Variants in TRPM7 observed in about 807,000 individuals in gnomAD.
The protein encoded by TRPM7 is transient receptor potential cation channel subfamily M member 7.
In TRPM7, 134 loss-of-function variants were observed where a neutral mutation model predicts 229.7. The observed-to-expected ratio is 0.58, with a 90% CI of 0.51 to 0.67. The LOEUF (loss-of-function observed/expected upper bound fraction) is 0.67. Among genes scored for constraint, TRPM7 ranks in the 30% least tolerant of loss-of-function variants. The probability of loss-of-function intolerance (pLI) is 0.00; values close to 1 mark genes in which losing one functional copy is unlikely to be tolerated. For synonymous variants in TRPM7, 699 were observed against 715.2 expected, an observed-to-expected ratio of 0.98 and a Z score of 0.36; for missense variants, 1,901 against 2,210.0, an observed-to-expected ratio of 0.86 and a Z score of 2.80.
intron 38 of TRPM7, among the ~76,000 whole-genome samples, chr15:50,565,544 A>T (rs1265897937): frequency 6.6e-6 from 1 of 152,212 alleles, no homozygotes; most frequent in African/African-American, 2.4e-5. Flanking sequence ...CCAAGAAGAC[A>T]TTAACAATAG....
intron 1 of TRPM7, among the ~76,000 whole-genome samples, chr15:50,685,157 T>C (rs1427429492): frequency 1.3e-5 from 2 of 152,240 alleles, no homozygotes; most frequent in African/African-American, 4.8e-5. Context: ...AATGTATCTT[T>C]GCAAGTTTGA....
At chr15:50,616,965 T>C (rs914233773) in intron 13 of TRPM7, among the ~76,000 whole-genome samples, 3 of 151,884 alleles carry the variant, frequency 2.0e-5, no homozygotes, top group African/African-American at 4.8e-5. Flanking sequence ...ATTTTGTAAT[T>C]TGTGAAATGT....
rs79028669 is a variant in TRPM7, at chr15:50,639,444, T to G, written c.640A>C (p.Asn214His). The G allele has an allele frequency of 3.2e-4, 517 of 1,602,156 alleles. 3 individuals are homozygous for G. The African/African-American group carries it at 5.8e-3, about 18-fold the overall frequency. Residue 214 changes from asparagine to histidine, a missense_variant, in exon 6 of 39, where the codon AAT becomes CAT. Physicochemically the swap from Asn to His is moderately conservative, Grantham distance 68. Transcript: ENST00000646667. ...CTTACATCTCTCCCAACAAGATCAT[T>G]TCTGTTTTCAATCACTCCCCATGGA... ...IAPWGVIENRNDLVGRDVVAP... is the reference protein window; with the variant it reads ...IAPWGVIENRHDLVGRDVVAP...
rs368592916 is a variant in TRPM7 at position 50,593,794 on chromosome 15, G to A, written c.3476-45C>T. 3.8e-6 allele frequency: 6 copies of A among 1,561,792 alleles called. No homozygotes were observed. In the African/African-American group the frequency reaches 8.3e-5, roughly 22 times the overall value. On this transcript the variant is annotated intron_variant, in intron 24 of 38. Transcript: ENST00000646667. ...AGAAAATCAAGGAAGAGCTATCAAGGTTTCAACTTTAGCTCATAATTCTTA... is the reference window on the plus strand; with the variant it reads ...AGAAAATCAAGGAAGAGCTATCAAGATTTCAACTTTAGCTCATAATTCTTA...
chr15:50,631,793 C>T (rs1356547087), intron 9 of TRPM7, among the ~76,000 whole-genome samples: 1 of 152,086 alleles, frequency 6.6e-6, no homozygotes, highest in Non-Finnish European at 1.5e-5. Flanking sequence ...ATGTCCCTTA[C>T]TAGAGTAAGA....
At chr15:50,619,202 GA>G (rs1308962906) in intron 13 of TRPM7, among the ~76,000 whole-genome samples, 6 of 151,290 alleles carry the variant, frequency 4.0e-5, no homozygotes, top group African/African-American at 1.5e-4. Flanking sequence ...TGGATGACCA[GA>G]AGCTCAACAG....
chr15:50,657,080 T>G (rs1052318994), intron 3 of TRPM7, among the ~76,000 whole-genome samples: 2 of 152,112 alleles, frequency 1.3e-5, no homozygotes, highest in African/African-American at 4.8e-5. Context: ...TCCTAGCACT[T>G]TGGGAGGCCG....
intron 1 of TRPM7, among the ~76,000 whole-genome samples, chr15:50,663,875 A>T (rs1381777369): frequency 6.6e-6 from 1 of 152,188 alleles, no homozygotes; most frequent in Admixed American, 6.6e-5. Flanking sequence ...AGGCAGGAGG[A>T]TCGCCTAAGC....
chr15:50,560,790 T>C lies in TRPM7; in HGVS notation c.*888A>G, dbSNP rs1335910146. The stretch of plus-strand genomic sequence containing the variant: ...AGTTCATGTTTACATTCTGATTTGA[T>C]ATAACAATCAATAAAATCTTTGGAG... On this transcript the variant is annotated 3_prime_UTR_variant, in exon 39 of 39. Coordinates refer to ENST00000646667, the MANE Select transcript of TRPM7 (RefSeq NM_017672.6). 6.6e-6 allele frequency: 1 copy of C among 152,652 alleles called. No homozygotes were observed. Among genetic ancestry groups the C allele is most frequent in the East Asian group, 1.9e-4 (1 of 5,208 alleles). The allele number at this position is 152,652 out of a possible 1,614,324, so 9.5% of individuals were successfully genotyped here.
Position 50,677,738 on chromosome 15 carries a change from CAAAAAAAAAAAA to C in TRPM7, c.3+8781_3+8792del, listed in dbSNP as rs10652951. On this transcript the variant is annotated intron_variant, in intron 1 of 38. Coordinates refer to ENST00000646667, the MANE Select transcript of TRPM7 (RefSeq NM_017672.6). ...TGGGCAACAGAACAAGACCCCGTAT[CAAAAAAAAAAAA>C]AAAAAAAAAACAAAAGGTAACCCAG... 9.4e-3 allele frequency among the ~76,000 whole-genome samples: 358 copies of C among 38,168 alleles called. 2 individuals are homozygous for C. The highest frequency in any genetic ancestry group is 0.016 in the Non-Finnish European group (306 of 19,550). The allele number at this position is 38,168 out of a possible 152,430, so 25.0% of individuals were successfully genotyped here.
intron 13 of TRPM7, among the ~76,000 whole-genome samples, chr15:50,618,569 CAATAAATAAATAAATAAATAAATAAATA>C (rs112152993): frequency 7.0e-6 from 1 of 141,980 alleles, no homozygotes; most frequent in African/African-American, 2.6e-5. Flanking sequence ...GATTCCGTCT[CAATAAATAAATAAATAAATAAATAAATA>C]AATAAATAAA....
intron 1 of TRPM7, among the ~76,000 whole-genome samples, chr15:50,664,304 G>A (rs1206205800): frequency 7.2e-5 from 8 of 110,742 alleles, no homozygotes; most frequent in Non-Finnish European, 1.0e-4. Flanking sequence ...GCAAGACTCC[G>A]TCTCAAAAAA....
At chr15:50,686,388 G>C in intron 1 of TRPM7, 143 bp downstream of exon 1, 1 of 1,395,238 alleles carries the variant, frequency 7.2e-7, no homozygotes. Context: ...CGTCCCGAGA[G>C]GACAAATCCG....
chr15:50,567,855 G>A (rs922133556), intron 38 of TRPM7, among the ~76,000 whole-genome samples: 10 of 151,986 alleles, frequency 6.6e-5, no homozygotes, highest in African/African-American at 2.2e-4. Flanking sequence ...TTGGGAGGCC[G>A]AGGCAGGCGG....
At chr15:50,617,928 G>T (rs2060274397) in intron 13 of TRPM7, among the ~76,000 whole-genome samples, 1 of 152,050 alleles carries the variant, frequency 6.6e-6, no homozygotes, top group Admixed American at 6.6e-5. Flanking sequence ...CAAAGTGCTG[G>T]TATTACGGGT....
At chr15:50,621,138 C>T (rs2060388982) in intron 12 of TRPM7, among the ~76,000 whole-genome samples, 1 of 108,990 alleles carries the variant, frequency 9.2e-6, no homozygotes, top group Non-Finnish European at 1.7e-5. Flanking sequence ...CCAGCCTGGG[C>T]AACAGCGAGA....
At chr15:50,565,678 C>A (rs2053566859) in intron 38 of TRPM7, among the ~76,000 whole-genome samples, 1 of 152,084 alleles carries the variant, frequency 6.6e-6, no homozygotes, top group South Asian at 2.1e-4. Context: ...ATCAATAGAA[C>A]TAATACACAG....
intron 5 of TRPM7, among the ~76,000 whole-genome samples, chr15:50,640,453 CTTT>C (rs71124399): frequency 1.5e-5 from 2 of 131,424 alleles, no homozygotes; most frequent in Admixed American, 7.6e-5. Flanking sequence ...ATTTTTTTTT[CTTT>C]TTTTTTTTTT....
At chr15:50,600,214 A>G (rs1183671245) in intron 21 of TRPM7, among the ~76,000 whole-genome samples, 1 of 152,208 alleles carries the variant, frequency 6.6e-6, no homozygotes, top group Non-Finnish European at 1.5e-5. Context: ...AGGCAGGTGG[A>G]TCACTTGAGG....
Sources: allele counts gnomAD v4.1 joint callset (sites outside exome capture counted in the v4.1 genomes callset), GRCh38; gene constraint gnomAD v4.1.1; transcripts MANE v1.5; gene names NCBI Gene and HGNC (gene_info 2026-07-23, HGNC 2026-07-21).